The following TSPAN4 variants were observed in gnomAD, a reference collection of about 807,000 sequenced individuals.
TSPAN4 encodes the protein tetraspanin 4.
Under a neutral mutation model 31.5 loss-of-function variants are expected in TSPAN4, and 38 were observed. The ratio of observed to expected loss-of-function variants is 1.21; its 90% CI spans 0.93 to 1.58. The LOEUF (loss-of-function observed/expected upper bound fraction) is 1.58. Among genes scored for constraint, TSPAN4 ranks in the 40% most tolerant of loss-of-function variants. The pLI, the probability that TSPAN4 is intolerant of heterozygous loss-of-function variation, is 0.00. For synonymous variants in TSPAN4, 186 were observed against 144.6 expected (o/e 1.29, Z -2.06); for missense variants, 330 against 317.3 (o/e 1.04, Z -0.30).
chr11:866,339 G>C (rs1453109841), intron 8 of TSPAN4, among the ~76,000 whole-genome samples: 1 of 152,128 alleles, frequency 6.6e-6, no homozygotes, highest in East Asian at 1.9e-4. Context: ...GGAAGTTCTG[G>C]GTGTCCTCAT....
chr11:850,978 C>T (rs193126598), intron 3 of TSPAN4, among the ~76,000 whole-genome samples: 20 of 152,398 alleles, frequency 1.3e-4, no homozygotes, highest in Non-Finnish European at 1.2e-4. Flanking sequence ...TTTCCCGCGC[C>T]TCCGGCAGCA....
chr11:865,192 C>G (rs1487881252), intron 5 of TSPAN4: 1 of 347,000 alleles, frequency 2.9e-6, no homozygotes, highest in Non-Finnish European at 5.4e-6. Context: ...GGGCTCAGCG[C>G]TCATAGCCCC....
At chr11:854,637 C>T (rs1847948498) in intron 3 of TSPAN4, among the ~76,000 whole-genome samples, 1 of 152,212 alleles carries the variant, frequency 6.6e-6, no homozygotes, top group African/African-American at 2.4e-5. Context: ...GTGTGGGGGC[C>T]CCTCAGCCTC....
At chr11:860,940 G>C (rs1848421884) in intron 3 of TSPAN4, among the ~76,000 whole-genome samples, 1 of 152,156 alleles carries the variant, frequency 6.6e-6, no homozygotes, top group Non-Finnish European at 1.5e-5. Context: ...CCACCCACCT[G>C]GGCACCCACG....
chr11:862,827 A>AC (rs914159179), intron 4 of TSPAN4, 86 bp downstream of exon 4: 56 of 1,346,098 alleles, frequency 4.2e-5, no homozygotes, highest in South Asian at 3.9e-4. Flanking sequence ...TGCCGCAGTG[A>AC]CCCCCCAGAC....
At chr11:862,309 C>T (rs1848501032) in intron 3 of TSPAN4, 13 of 548,042 alleles carry the variant, frequency 2.4e-5, no homozygotes, top group South Asian at 1.7e-4. Flanking sequence ...AAGGGAGCCT[C>T]CCCGACTGTG....
chr11:853,652 G>A (rs899371560), intron 3 of TSPAN4, among the ~76,000 whole-genome samples: 5 of 152,176 alleles, frequency 3.3e-5, no homozygotes, highest in African/African-American at 1.2e-4. Flanking sequence ...CTGGCCTGGT[G>A]GTGGGGGACC....
At chr11:849,738 G>C (rs1248091410) in intron 2 of TSPAN4, 1 of 149,876 alleles carries the variant, frequency 6.7e-6, no homozygotes, top group Non-Finnish European at 1.5e-5. Context: ...TTTGCCGGGC[G>C]GTGCGGCGAG....
intron 1 of TSPAN4, among the ~76,000 whole-genome samples, chr11:844,750 T>A (rs1296916920): frequency 6.8e-6 from 1 of 147,784 alleles, no homozygotes; most frequent in Non-Finnish European, 1.5e-5. Flanking sequence ...GAGGCGCTGG[T>A]TTTATAGAAG....
chr11:866,101 A>T, intron 8 of TSPAN4, 100 bp downstream of exon 8: 1 of 1,328,982 alleles, frequency 7.5e-7, no homozygotes, highest in South Asian at 1.3e-5. Flanking sequence ...GGAACCCACG[A>T]TCGGGGGAGG....
intron 2 of TSPAN4, chr11:849,822 C>CGGGGGCGCG (rs1489078813): frequency 7.9e-6 from 1 of 127,014 alleles, no homozygotes; most frequent in Non-Finnish European, 1.7e-5. Flanking sequence ...CGCGCGGGGT[C>CGGGGGCGCG]GGGGGCGCGG....
At chr11:847,479 C>T (rs904272671) in intron 2 of TSPAN4, among the ~76,000 whole-genome samples, 179 bp downstream of exon 2, 4 of 152,052 alleles carry the variant, frequency 2.6e-5, no homozygotes, top group African/African-American at 4.8e-5. Context: ...CAGAACACCC[C>T]GACTGGGGTG....
rs950237488 is a variant in TSPAN4, at chr11:850,114, C to G, written c.-17-174C>G. The G allele has an allele frequency of 1.1e-4, 51 of 484,028 alleles. 1 individual carries two copies. Among genetic ancestry groups the G allele is most frequent in the Admixed American group, 1.2e-4 (3 of 24,070 alleles). The allele number at this position is 484,028 out of a possible 1,614,324, so 30.0% of individuals were successfully genotyped here. On this transcript the variant is annotated intron_variant, in intron 2 of 8. Coordinates refer to ENST00000397397, the MANE Select transcript of TSPAN4 (RefSeq NM_003271.5). ...GAGCCGGACTTCGCGCGCGGCGGCC[C>G]CTTCCGGCGCTACAGCAGCCTATAC...
Position 866,645 on chromosome 11 carries a change from G to T in TSPAN4, c.*15G>T. ...ACTGCGCGTAGGCCGCCCACCGCCC[G>T]CTTCTCTGCCAAAAGGACGCCCACG... On this transcript the variant is annotated 3_prime_UTR_variant, in exon 9 of 9. Coordinates refer to ENST00000397397, the MANE Select transcript of TSPAN4 (RefSeq NM_003271.5). 6.2e-7 allele frequency: 1 copy of T among 1,608,024 alleles called. No individual in the cohort carries two copies.
At chr11:862,405 G>T (rs1425635149) in intron 3 of TSPAN4, 145 bp from the exon 4 acceptor site, 2 of 715,378 alleles carry the variant, frequency 2.8e-6, no homozygotes, top group Non-Finnish European at 4.4e-6. Flanking sequence ...CCGGGCTGCC[G>T]TGGGATCTAG....
At position 848,781 on chromosome 11, in the gene TSPAN4, CTTG is replaced by C. The variant is rs1847460732; in HGVS notation, c.-18+1483_-18+1485del. On this transcript the variant is annotated intron_variant, in intron 2 of 8. Transcript: ENST00000397397. The surrounding 1 kb of genome is among the most constrained non-coding windows in gnomAD (Gnocchi z 5.7). ...GATATCTTCCCAACACCGCAGGGCC[CTTG>C]TGCCCTGTGGTGGGGCTGGGGCTTC... is the stretch of plus-strand genomic sequence containing the variant. 4 of 565,090 alleles carry C rather than the reference CTTG, an allele frequency of 7.1e-6. No individual in the cohort carries two copies. The South Asian group carries it at 8.7e-5, about 12-fold the overall frequency. The allele number at this position is 565,090 out of a possible 1,614,324, so 35.0% of individuals were successfully genotyped here. A position where few individuals can be genotyped will look rare whatever the true frequency, so the allele number is the denominator to read the frequency against.
chr11:845,797 C>T (rs1175122849), intron 1 of TSPAN4, among the ~76,000 whole-genome samples: 1 of 152,140 alleles, frequency 6.6e-6, no homozygotes, highest in Non-Finnish European at 1.5e-5. Context: ...GACTGGGGGA[C>T]CTCTGGACTA....
intron 3 of TSPAN4, 142 bp from the exon 4 acceptor site, chr11:862,408 G>C: frequency 6.9e-6 from 5 of 728,860 alleles, no homozygotes; most frequent in Non-Finnish European, 8.7e-6. Flanking sequence ...GGCTGCCGTG[G>C]GATCTAGCAG....
intron 3 of TSPAN4, among the ~76,000 whole-genome samples, chr11:851,135 G>A (rs1334772179): frequency 1.3e-5 from 2 of 152,250 alleles, no homozygotes; most frequent in Non-Finnish European, 2.9e-5. Flanking sequence ...TCAGCAAGAG[G>A]TGGGGCAGGA....
Sources: gnomAD v4.1 joint callset for allele counts (sites outside exome capture counted in the v4.1 genomes callset) on GRCh38, gnomAD v4.1.1 for gene constraint, Gnocchi (gnomAD v3.1) non-coding constraint, MANE v1.5 for transcripts, NCBI Gene and HGNC (gene_info 2026-07-23, HGNC 2026-07-21) for gene names.